Variants in NEU4 observed in about 807,000 individuals in gnomAD.
NEU4 encodes neuraminidase 4.
NEU4 carries 7 observed loss-of-function variants against 9.9 expected under a neutral mutation model. The observed-to-expected ratio is 0.71, with a 90% CI of 0.40 to 1.33. The LOEUF (loss-of-function observed/expected upper bound fraction) is 1.33, where lower values mean the gene tolerates loss of function less well. Ranked by LOEUF, NEU4 falls within the 40% of genes most tolerant of loss-of-function variation. NEU4 has a pLI of 0.01. For synonymous variants in NEU4, 348 were observed against 316.9 expected (o/e 1.10, Z -1.04); for missense variants, 717 against 712.6 (o/e 1.01, Z -0.07).
intron 1 of NEU4, among the ~76,000 whole-genome samples, chr2:241,812,797 C>T (rs1226927833): frequency 6.7e-6 from 1 of 149,990 alleles, no homozygotes; most frequent in Non-Finnish European, 1.5e-5. Context: ...GGAGTCTCCT[C>T]CTCTCCCTCT....
chr2:241,817,252 C>A lies in NEU4; in HGVS notation c.*204C>A. 4.5e-6 allele frequency: 2 copies of A among 447,052 alleles called. No individual in the cohort carries two copies. The highest frequency in any genetic ancestry group is 7.7e-6 in the Non-Finnish European group (2 of 258,532). 27.7% of individuals were successfully genotyped at this position (447,052 alleles called of 1,614,324 possible). ...GGGAGTGAGCAGGGCAGGGTGGGGG[C>A]AGGGTGGGGGCACGAAGTGGGCCCT... On this transcript the variant is annotated 3_prime_UTR_variant, in exon 4 of 4. Transcript: ENST00000407683.
chr2:241,814,149 G>T, intron 1 of NEU4: 1 of 632,582 alleles, frequency 1.6e-6, no homozygotes, highest in Admixed American at 2.1e-5. Context: ...GGCTGGCAGG[G>T]TCCCGGGGGC....
At chr2:241,813,067 C>T (rs530659088) in intron 1 of NEU4, among the ~76,000 whole-genome samples, 2 of 152,294 alleles carry the variant, frequency 1.3e-5, no homozygotes, top group East Asian at 1.9e-4. Context: ...AGGAAGGGGC[C>T]GGCCAGCTGT....
At chr2:241,809,382 A>C in intron 1 of NEU4, 108 bp downstream of exon 1, 1 of 543,212 alleles carries the variant, frequency 1.8e-6, no homozygotes, top group South Asian at 1.8e-5. Context: ...TGCATTGAGA[A>C]GGGGCGGTTA....
At chr2:241,811,266 G>C (rs1318376176) in intron 1 of NEU4, 4 of 1,263,718 alleles carry the variant, frequency 3.2e-6, no homozygotes, top group Non-Finnish European at 4.0e-6. Flanking sequence ...TGGCTCCTGG[G>C]TGCCCATCTG....
At chr2:241,815,294 G>C in intron 3 of NEU4, 147 bp downstream of exon 3, 2 of 924,524 alleles carry the variant, frequency 2.2e-6, no homozygotes, top group South Asian at 2.1e-5. Context: ...ACTGTTCTGC[G>C]CCTCCCGTCC....
At chr2:241,813,576 T>G in intron 1 of NEU4, 3 of 1,247,040 alleles carry the variant, frequency 2.4e-6, no homozygotes, top group Non-Finnish European at 1.1e-6. Flanking sequence ...ACCCGGGCCC[T>G]GCCCTGGTGG....
chr2:241,812,595 C>G (rs1277343560), intron 1 of NEU4, among the ~76,000 whole-genome samples: 2 of 36,360 alleles, frequency 5.5e-5, no homozygotes, highest in South Asian at 4.9e-4. Context: ...TCCCCCAAGA[C>G]AGAGGGACCT....
At position 241,813,373 on chromosome 2, in the gene NEU4, G is replaced by A. The variant is rs1381945282; in HGVS notation, c.-3-1109G>A. 1.2e-5 allele frequency: 13 copies of A among 1,044,592 alleles called. No individual in the cohort carries two copies. The East Asian group carries it at 1.4e-3, about 114-fold the overall frequency. 64.7% of individuals were successfully genotyped at this position (1,044,592 alleles called of 1,614,324 possible). On this transcript the variant is annotated intron_variant, in intron 1 of 3. Coordinates refer to ENST00000407683, the MANE Select transcript of NEU4 (RefSeq NM_001167600.3). The stretch of plus-strand genomic sequence containing the variant: ...CCCCGTGTGCCCGGCCTGGGCGGCT[G>A]GCCGTGGATCTGACCGCTCCTGCAT...
In NEU4 at chr2:241,816,128, T is replaced by C. The variant is rs1345858852; in HGVS notation, c.535T>C (p.Tyr179His). The change falls in exon 4 of 4, where the codon TAC becomes CAC. Residue 179 changes from tyrosine to histidine, a missense_variant. Coordinates refer to ENST00000407683, the MANE Select transcript of NEU4 (RefSeq NM_001167600.3). ...CCGCCTGCTGGTACCCGCCTACACC[T>C]ACCGCGTGGACCGCCGAGAGTGTTT... is the stretch of plus-strand genomic sequence containing the variant. ...SGRLLVPAYT[Y>H]RVDRRECFGK... The C allele has an allele frequency of 1.2e-6, 2 of 1,611,906 alleles. No homozygotes were observed. Among genetic ancestry groups the C allele is most frequent in the Non-Finnish European group, 1.7e-6 (2 of 1,179,702 alleles).
chr2:241,814,353 C>T, intron 1 of NEU4, 129 bp from the exon 2 acceptor site: 2 of 853,658 alleles, frequency 2.3e-6, no homozygotes, highest in Non-Finnish European at 3.7e-6. Flanking sequence ...AAGGTGGGTA[C>T]AGGAAGAGGC....
Position 241,814,531 on chromosome 2 carries a change from A to G in NEU4, c.47A>G (p.Glu16Gly), listed in dbSNP as rs371399393. The G allele has an allele frequency of 4.6e-5, 74 of 1,612,472 alleles. No individual in the cohort carries two copies. Among genetic ancestry groups the G allele is most frequent in the Non-Finnish European group, 5.3e-5 (62 of 1,179,872 alleles). Reference protein sequence around the residue: ...TPSRTVLFERERTGLTYRVPS... With the variant: ...TPSRTVLFERGRTGLTYRVPS... Reference sequence around the variant, plus strand: ...TCACGGACAGTGCTCTTCGAGCGGGAGAGGACGGGCCTGACCTACCGCGTG... The same window carrying G: ...TCACGGACAGTGCTCTTCGAGCGGGGGAGGACGGGCCTGACCTACCGCGTG... The change falls in exon 2 of 4, where the codon GAG becomes GGG. Residue 16 changes from glutamate to glycine, a missense_variant. Transcript: ENST00000407683.
Position 241,814,558 on chromosome 2 carries a change from C to T in NEU4, c.74C>T (p.Pro25Leu). ...AGGACGGGCCTGACCTACCGCGTGC[C>T]CTCGCTGCTCCCCGTGCCCCCCGGG... is the stretch of plus-strand genomic sequence containing the variant. The part of the protein sequence containing the change: ...RERTGLTYRV[P>L]SLLPVPPGPT... The change falls in exon 2 of 4, where the codon CCC becomes CTC. Residue 25 changes from proline to leucine, a missense_variant. Pro to Leu is a moderately conservative substitution (Grantham distance 98, BLOSUM62 -3). Coordinates refer to ENST00000407683, the MANE Select transcript of NEU4 (RefSeq NM_001167600.3). The T allele has an allele frequency of 1.2e-6, 2 of 1,612,630 alleles. No individual in the cohort carries two copies. The highest frequency in any genetic ancestry group is 1.7e-6 in the Non-Finnish European group (2 of 1,179,904).
intron 3 of NEU4, chr2:241,815,826 C>T (rs1700307293): frequency 1.7e-6 from 1 of 600,554 alleles, no homozygotes; most frequent in African/African-American, 1.9e-5. Flanking sequence ...TCACCAGCCT[C>T]CCTGGGTGCC....
chr2:241,813,307 A>G, intron 1 of NEU4: 5 of 1,034,720 alleles, frequency 4.8e-6, no homozygotes, highest in Non-Finnish European at 5.8e-6. Flanking sequence ...GCATCCGGCC[A>G]TCTCCCTCCT....
Position 241,816,854 on chromosome 2 carries a change from G to C in NEU4, c.1261G>C (p.Asp421His). 6.2e-7 allele frequency: 1 copy of C among 1,611,882 alleles called. No individual in the cohort carries two copies. Among genetic ancestry groups the C allele is most frequent in the Non-Finnish European group, 8.5e-7 (1 of 1,179,638 alleles). Residue 421 changes from aspartate (D) to histidine (H), a missense_variant, in exon 4 of 4, where the codon GAC becomes CAC. Physicochemically the swap from Asp to His is moderately conservative, Grantham distance 81 (BLOSUM62 -1). Transcript: ENST00000407683. ...CTACGAGGGCCCCAGCGGCTACTCCGACCTGGCGTCCATCGGGCCGGCCCC... is the reference window on the plus strand; with the variant it reads ...CTACGAGGGCCCCAGCGGCTACTCCCACCTGGCGTCCATCGGGCCGGCCCC... ...VIYEGPSGYS[D>H]LASIGPAPEG... is the part of the protein sequence containing the mutation.
intron 3 of NEU4, chr2:241,815,597 C>T (rs1376745667): frequency 7.9e-6 from 4 of 508,326 alleles, no homozygotes; most frequent in African/African-American, 5.8e-5. Flanking sequence ...GCCACCCCGC[C>T]CCACCCCTTC....
At chr2:241,811,569 G>C (rs1700117822) in intron 1 of NEU4, 6 of 1,021,864 alleles carry the variant, frequency 5.9e-6, no homozygotes, top group Non-Finnish European at 7.8e-6. Flanking sequence ...CCCTCTGTCT[G>C]GGGGTGCTGG....
At chr2:241,811,803 G>T in intron 1 of NEU4, 1 of 296,118 alleles carries the variant, frequency 3.4e-6, no homozygotes, top group Non-Finnish European at 6.2e-6. Context: ...GCAGGGGGCC[G>T]GCCCCAGCCC....
Sources: gnomAD v4.1 joint callset for allele counts (sites outside exome capture counted in the v4.1 genomes callset) on GRCh38, gnomAD v4.1.1 for gene constraint, MANE v1.5 for transcripts, NCBI Gene and HGNC (gene_info 2026-07-23, HGNC 2026-07-21) for gene names.